Variants in EDIL3 observed in about 807,000 individuals in gnomAD.
EDIL3 encodes the protein EGF like and discoidin domains 3.
A neutral mutation model predicts 67.4 loss-of-function variants in EDIL3; 37 were observed. That is an observed-to-expected ratio of 0.55 (90% CI 0.42 to 0.72). The LOEUF is 0.72. Among genes scored for constraint, EDIL3 ranks in the 30% least tolerant of loss-of-function variants. The probability of loss-of-function intolerance (pLI) is 0.00; values close to 1 mark genes in which losing one functional copy is unlikely to be tolerated. For synonymous variants in EDIL3, 195 were observed against 196.3 expected (o/e 0.99, Z 0.05); for missense variants, 527 against 586.3 (o/e 0.90, Z 1.04).
intron 4 of EDIL3, among the ~76,000 whole-genome samples, chr5:84,176,732 G>C (rs1748922149): frequency 1.5e-5 from 2 of 134,096 alleles, no homozygotes; most frequent in South Asian, 5.2e-4. Flanking sequence ...TACACACACA[G>C]AGGTGTGTGT....
chr5:84,119,443 G>C (rs1366612), intron 5 of EDIL3, among the ~76,000 whole-genome samples: 1 of 151,836 alleles, frequency 6.6e-6, no homozygotes, highest in Non-Finnish European at 1.5e-5. Flanking sequence ...CAAATTGTCA[G>C]ATAAAAATCT....
intron 1 of EDIL3, among the ~76,000 whole-genome samples, chr5:84,373,286 A>C (rs1349610986): frequency 2.0e-5 from 3 of 151,960 alleles, no homozygotes; most frequent in South Asian, 4.2e-4. Context: ...TTTTTCCAAC[A>C]CCTGGCCATT....
At chr5:84,109,466 A>G (rs1169743382) in intron 5 of EDIL3, among the ~76,000 whole-genome samples, 1 of 152,182 alleles carries the variant, frequency 6.6e-6, no homozygotes, top group Non-Finnish European at 1.5e-5. Context: ...AGATCACACC[A>G]CTGCACTCCA....
intron 9 of EDIL3, among the ~76,000 whole-genome samples, chr5:84,007,318 T>A (rs1018369961): frequency 1.3e-5 from 2 of 152,018 alleles, no homozygotes; most frequent in Non-Finnish European, 2.9e-5. Context: ...AAGGAAGCAA[T>A]CAACGAAGTG....
chr5:84,084,844 G>A (rs1012910761), intron 6 of EDIL3, among the ~76,000 whole-genome samples: 35 of 152,010 alleles, frequency 2.3e-4, no homozygotes, highest in African/African-American at 7.2e-4. Context: ...GTTTTATTTT[G>A]GTAAGAGGTG....
intron 8 of EDIL3, 62 bp downstream of exon 8, chr5:84,064,638 C>T: frequency 6.5e-7 from 1 of 1,527,916 alleles, no homozygotes. Flanking sequence ...TAACAGGCTA[C>T]ATACAAATAT....
chr5:84,046,307 C>T (rs1554065169), intron 9 of EDIL3, among the ~76,000 whole-genome samples: 1 of 152,154 alleles, frequency 6.6e-6, no homozygotes, highest in Non-Finnish European at 1.5e-5. Flanking sequence ...TTATTCAAGA[C>T]AAGATAAGTG....
At chr5:84,101,329 T>C (rs895404638) in intron 6 of EDIL3, among the ~76,000 whole-genome samples, 4 of 152,086 alleles carry the variant, frequency 2.6e-5, no homozygotes, top group Non-Finnish European at 5.9e-5. Flanking sequence ...AAAGTGATGA[T>C]AATTACACCT....
In EDIL3 at chr5:84,375,164, G is replaced by A. The variant is rs149433536; in HGVS notation, c.67+9144C>T. 6.5e-3 allele frequency among the ~76,000 whole-genome samples: 987 copies of A among 152,004 alleles called. 9 individuals are homozygous for A. Among genetic ancestry groups the A allele is most frequent in the African/African-American group, 0.023 (948 of 41,460 alleles). The stretch of plus-strand genomic sequence containing the variant: ...TTTTTGTATTTTTAGTAGAGAAAGG[G>A]TTTCATCATGTTGGCCAGGATGGTC... On this transcript the variant is annotated intron_variant, in intron 1 of 10. Coordinates refer to ENST00000296591, the MANE Select transcript of EDIL3 (RefSeq NM_005711.5).
At chr5:83,995,146 G>GCACGCA (rs1554062573) in intron 9 of EDIL3, among the ~76,000 whole-genome samples, 16 of 88,974 alleles carry the variant, frequency 1.8e-4, no homozygotes, top group African/African-American at 8.5e-4. Context: ...GTATACACAC[G>GCACGCA]CACACACACA....
chr5:84,037,988 G>GTTTTTTTTTTTTTTTTTTTTTTTTTT (rs67762520), intron 9 of EDIL3, among the ~76,000 whole-genome samples: 2 of 99,744 alleles, frequency 2.0e-5, no homozygotes, highest in African/African-American at 9.0e-5. Context: ...TTTCTTTCTT[G>GTTTTTTTTTTTTTTTTTTTTTTTTTT]TTTTTTTTTT....
intron 1 of EDIL3, among the ~76,000 whole-genome samples, chr5:84,287,259 A>G (rs1452265055): frequency 6.6e-6 from 1 of 152,194 alleles, no homozygotes; most frequent in Non-Finnish European, 1.5e-5. Flanking sequence ...TTCTTTATAC[A>G]AGAATGAGAG....
chr5:84,106,658 C>T lies in EDIL3; in HGVS notation c.642G>A (p.Pro214=), dbSNP rs368679977. 3.1e-5 allele frequency: 50 copies of T among 1,602,762 alleles called. No individual in the cohort carries two copies. The highest frequency in any genetic ancestry group is 1.6e-4 in the African/African-American group (12 of 74,258). ...CCATCCCATCTGTTACCTGAATCCA[C>T]GGCCATCTGTCATTTTCTGCAGCTG... ...AWTAAENDRW[P]WIQINLQRKM... The change falls in exon 6 of 11, where the codon CCG becomes CCA. Residue 214 remains proline, a synonymous_variant. Coordinates refer to ENST00000296591, the MANE Select transcript of EDIL3 (RefSeq NM_005711.5).
intron 1 of EDIL3, among the ~76,000 whole-genome samples, chr5:84,353,572 T>C (rs1747410034): frequency 6.6e-6 from 1 of 152,186 alleles, no homozygotes; most frequent in South Asian, 2.1e-4. Context: ...TTTCAACGAA[T>C]ACTTAGGAAA....
At chr5:84,177,576 G>T (rs1330007983) in intron 4 of EDIL3, among the ~76,000 whole-genome samples, 1 of 152,054 alleles carries the variant, frequency 6.6e-6, no homozygotes, top group Admixed American at 6.6e-5. Context: ...CTAAACTACG[G>T]ACTTTGGTAA....
At chr5:84,137,640 TCAGTGTATC>T (rs1748117739) in intron 4 of EDIL3, among the ~76,000 whole-genome samples, 1 of 152,172 alleles carries the variant, frequency 6.6e-6, no homozygotes, top group South Asian at 2.1e-4. Context: ...GGGGAAATAT[TCAGTGTATC>T]CTTAGAATTA....
chr5:84,199,845 G>A (rs1053794790), intron 3 of EDIL3, among the ~76,000 whole-genome samples: 2 of 151,988 alleles, frequency 1.3e-5, no homozygotes, highest in African/African-American at 4.8e-5. Flanking sequence ...ATCAGCAGTG[G>A]TATATGGAGG....
At chr5:83,984,472 G>A (rs1273460752) in intron 9 of EDIL3, among the ~76,000 whole-genome samples, 2 of 152,024 alleles carry the variant, frequency 1.3e-5, no homozygotes, top group Admixed American at 6.6e-5. Context: ...GGAATCAACT[G>A]GAAAACCAAG....
At chr5:84,204,051 T>C (rs1743907022) in intron 3 of EDIL3, among the ~76,000 whole-genome samples, 1 of 152,222 alleles carries the variant, frequency 6.6e-6, no homozygotes, top group Non-Finnish European at 1.5e-5. Context: ...GTATTACTTT[T>C]ATTCTTAAAA....
Sources: allele counts gnomAD v4.1 joint callset (sites outside exome capture counted in the v4.1 genomes callset), GRCh38; gene constraint gnomAD v4.1.1; transcripts MANE v1.5; gene names NCBI Gene and HGNC (gene_info 2026-07-23, HGNC 2026-07-21).